HERC3: variants seen among roughly 807,000 people sequenced by gnomAD.
The protein encoded by HERC3 is probable E3 ubiquitin-protein ligase HERC3.
HERC3 carries 58 observed loss-of-function variants against 129.9 expected under a neutral mutation model. The ratio of observed to expected loss-of-function variants is 0.45; its 90% CI spans 0.36 to 0.56. The LOEUF (loss-of-function observed/expected upper bound fraction) is 0.56, where lower values mean the gene tolerates loss of function less well. HERC3 is among the 20% of genes least tolerant of loss of function. The pLI is 0.00. For synonymous variants in HERC3, 430 were observed against 451.0 expected (o/e 0.95, Z 0.59); for missense variants, 835 against 1,244.2 (o/e 0.67, Z 4.95).
intron 22 of HERC3, 103 bp from the exon 23 acceptor site, chr4:88,687,114 A>G (rs1252240280): frequency 1.2e-6 from 1 of 822,608 alleles, no homozygotes; most frequent in Non-Finnish European, 1.9e-6. Flanking sequence ...TGTAATAGTC[A>G]TGAAACTACA....
At chr4:88,661,680 A>G (rs1218021829) in intron 10 of HERC3, among the ~76,000 whole-genome samples, 3 of 152,244 alleles carry the variant, frequency 2.0e-5, no homozygotes, top group Non-Finnish European at 4.4e-5. Context: ...ATCTCACTGA[A>G]TAAAAGATGT....
In HERC3 at chr4:88,655,427, C is replaced by T. The variant is rs555833192; in HGVS notation, c.908+123C>T. ...TTTTAAGAGATCTTAACTGCATGCACGCCTATGGTGAAATGTGGAGAAAGA... is the reference window on the plus strand; with the variant it reads ...TTTTAAGAGATCTTAACTGCATGCATGCCTATGGTGAAATGTGGAGAAAGA... On this transcript the variant is annotated intron_variant, in intron 8 of 25. Coordinates refer to ENST00000402738, the MANE Select transcript of HERC3 (RefSeq NM_014606.3). 7.1e-5 allele frequency: 80 copies of T among 1,120,150 alleles called. No homozygotes were observed. The African/African-American group carries it at 1.0e-3, about 14-fold the overall frequency. The allele number at this position is 1,120,150 out of a possible 1,614,324, so 69.4% of individuals were successfully genotyped here. A position where few individuals can be genotyped will look rare whatever the true frequency, so the allele number is the denominator to read the frequency against.
the HERC3 span, among the ~76,000 whole-genome samples, chr4:88,534,666 C>T: frequency 1.3e-5 from 2 of 152,074 alleles, no homozygotes; most frequent in Non-Finnish European, 2.9e-5. Context: ...ATTTTAAAAG[C>T]CTCATGCTCT....
In HERC3 at chr4:88,706,885, G is replaced by A; in HGVS notation, c.3078G>A (p.Lys1026=). The A allele has an allele frequency of 6.2e-7, 1 of 1,614,136 alleles. No individual in the cohort carries two copies. Among genetic ancestry groups the A allele is most frequent in the Non-Finnish European group, 8.5e-7 (1 of 1,180,014 alleles). ...GCTACAACCTTCTTGACCTCCCCAA[G>A]TACAGCAGCAAAGAGATTCTGAGTG... ...HTCYNLLDLP[K]YSSKEILSAR... The change falls in exon 26 of 26, where the codon AAG becomes AAA. Residue 1026 remains lysine (K), a synonymous_variant. Transcript: ENST00000402738.
intron 19 of HERC3, 57 bp from the exon 20 acceptor site, chr4:88,680,034 AAG>A: frequency 1.8e-5 from 27 of 1,484,684 alleles, no homozygotes; most frequent in Non-Finnish European, 2.4e-5. Flanking sequence ...GTCTGCTAAA[AAG>A]AGATAAAATG....
At chr4:88,624,157 G>GAGTCACCA (rs1725841359) in intron 3 of HERC3, among the ~76,000 whole-genome samples, 2 of 152,190 alleles carry the variant, frequency 1.3e-5, no homozygotes, top group South Asian at 4.1e-4. Context: ...TTTATGGATA[G>GAGTCACCA]AGTCACCAGT....
chr4:88,534,202 A>G, the HERC3 span, among the ~76,000 whole-genome samples: 3 of 152,220 alleles, frequency 2.0e-5, no homozygotes, highest in Non-Finnish European at 4.4e-5. Context: ...CCACACTTTT[A>G]GTAGCAAGAC....
chr4:88,540,251 A>G, the HERC3 span, among the ~76,000 whole-genome samples: 1 of 152,236 alleles, frequency 6.6e-6, no homozygotes, highest in Admixed American at 6.5e-5. Flanking sequence ...AAGACCTTAA[A>G]TGACCTGATG....
the HERC3 span, among the ~76,000 whole-genome samples, chr4:88,578,222 C>T: frequency 6.6e-6 from 1 of 152,132 alleles, no homozygotes; most frequent in Non-Finnish European, 1.5e-5. Flanking sequence ...ATTATCATCA[C>T]CACAACAATA....
chr4:88,587,808 A>G (rs771229497), upstream of HERC3, among the ~76,000 whole-genome samples: 13 of 152,252 alleles, frequency 8.5e-5, no homozygotes, highest in Non-Finnish European at 1.8e-4. Flanking sequence ...AGTTACATGC[A>G]TGTATTCTGT....
intron 23 of HERC3, among the ~76,000 whole-genome samples, chr4:88,701,139 ATTAGT>A (rs1362154235): frequency 1.3e-5 from 2 of 152,208 alleles, no homozygotes; most frequent in Non-Finnish European, 2.9e-5. Flanking sequence ...GAAAAATGTC[ATTAGT>A]TTAGTGTCAT....
the HERC3 span, among the ~76,000 whole-genome samples, chr4:88,551,514 C>A: frequency 1.3e-5 from 2 of 150,608 alleles, no homozygotes; most frequent in Non-Finnish European, 3.0e-5. Context: ...ATTTATGCAG[C>A]CAAAAGACAC....
At chr4:88,692,371 G>T (rs1430805615) in intron 23 of HERC3, among the ~76,000 whole-genome samples, 1 of 152,002 alleles carries the variant, frequency 6.6e-6, no homozygotes, top group Non-Finnish European at 1.5e-5. Context: ...GGGGCAGTGG[G>T]GGGCAGAGAG....
chr4:88,700,521 G>T (rs1207843354), intron 23 of HERC3, among the ~76,000 whole-genome samples: 1 of 152,128 alleles, frequency 6.6e-6, no homozygotes, highest in Non-Finnish European at 1.5e-5. Context: ...AGTCCCTTAA[G>T]TGAAATCTAG....
rs1171362285 is a variant in HERC3 at position 88,668,096 on chromosome 4, C to T, written c.1633+15C>T. The T allele has an allele frequency of 6.9e-6, 11 of 1,602,254 alleles. No individual in the cohort carries two copies. In the East Asian group the frequency reaches 2.0e-4, roughly 29 times the overall value. ...CAAAGTACTAGGTGAATTTGCTAAC[C>T]TCGATATCAGTGGTTTTATGGTCAT... On this transcript the variant is annotated intron_variant, in intron 14 of 25. Transcript: ENST00000402738.
At chr4:88,678,229 G>A (rs1732376792) in intron 19 of HERC3, 95 bp downstream of exon 19, 3 of 1,091,836 alleles carry the variant, frequency 2.7e-6, no homozygotes, top group Admixed American at 4.3e-5. Context: ...ATTGTGGGGT[G>A]CAGCCATTCT....
At chr4:88,659,539 T>C (rs2149284698) in intron 10 of HERC3, among the ~76,000 whole-genome samples, 1 of 152,372 alleles carries the variant, frequency 6.6e-6, no homozygotes, top group African/African-American at 2.4e-5. Context: ...GAAGGTGGCT[T>C]AGTGCTACCA....
intron 2 of HERC3, among the ~76,000 whole-genome samples, chr4:88,599,907 A>G (rs945573229): frequency 6.6e-6 from 1 of 152,224 alleles, no homozygotes; most frequent in Non-Finnish European, 1.5e-5. Flanking sequence ...GTGCAGACAC[A>G]TTGGGAAGTC....
At chr4:88,635,347 G>C (rs963729629) in intron 3 of HERC3, among the ~76,000 whole-genome samples, 1 of 151,900 alleles carries the variant, frequency 6.6e-6, no homozygotes, top group Non-Finnish European at 1.5e-5. Context: ...TGAGAACTTC[G>C]TGAAGCATAC....
Sources: gnomAD v4.1 joint callset for allele counts (sites outside exome capture counted in the v4.1 genomes callset) on GRCh38, gnomAD v4.1.1 for gene constraint, MANE v1.5 for transcripts, NCBI Gene and HGNC (gene_info 2026-07-23, HGNC 2026-07-21) for gene names.